The following OPCML variants were observed in gnomAD, a reference collection of about 807,000 sequenced individuals.
The protein encoded by OPCML is opioid-binding protein/cell adhesion molecule.
In OPCML, 13 loss-of-function variants were observed where a neutral mutation model predicts 37.8. The observed-to-expected ratio is 0.34, with a 90% CI of 0.22 to 0.55. The LOEUF (loss-of-function observed/expected upper bound fraction) is 0.55. OPCML is among the 20% of genes least tolerant of loss of function. The pLI is 0.91. For synonymous variants in OPCML, 176 were observed against 168.8 expected (o/e 1.04, Z -0.33); for missense variants, 341 against 435.6 (o/e 0.78, Z 1.93).
Position 133,440,012 on chromosome 11 carries a change from G to C in OPCML, c.61+92252C>G, listed in dbSNP as rs1946329545. On this transcript the variant is annotated intron_variant, in intron 1 of 7. Transcript: ENST00000524381. ...CTTAATAAAAGTTGAAAAGCATTTG[G>C]TAAAATTTAATGACTATTCCTGAGT... 1.3e-5 allele frequency among the ~76,000 whole-genome samples: 2 copies of C among 152,116 alleles called. 1 individual carries two copies. Among genetic ancestry groups the C allele is most frequent in the Non-Finnish European group, 2.9e-5 (2 of 68,026 alleles).
At chr11:133,312,105 T>C (rs1302000362) in intron 1 of OPCML, among the ~76,000 whole-genome samples, 4 of 152,206 alleles carry the variant, frequency 2.6e-5, no homozygotes, top group Non-Finnish European at 4.4e-5. Flanking sequence ...CAAATAGATA[T>C]TAAAGATGAC....
At chr11:132,628,599 C>T (rs1378780580) in intron 3 of OPCML, among the ~76,000 whole-genome samples, 5 of 152,138 alleles carry the variant, frequency 3.3e-5, no homozygotes, top group African/African-American at 1.2e-4. Flanking sequence ...CAGGCTCTCC[C>T]ACTCTGGGCC....
chr11:132,641,319 C>T (rs1325031685), intron 3 of OPCML, among the ~76,000 whole-genome samples: 1 of 152,202 alleles, frequency 6.6e-6, no homozygotes, highest in Non-Finnish European at 1.5e-5. Flanking sequence ...CCCTTCCACG[C>T]ACACCTCCAC....
intron 1 of OPCML, among the ~76,000 whole-genome samples, chr11:133,387,555 T>G (rs1375101900): frequency 6.6e-6 from 1 of 152,234 alleles, no homozygotes; most frequent in African/African-American, 2.4e-5. Flanking sequence ...TCACCGGTTG[T>G]GTAAACTTGA....
rs752245542 is a variant in OPCML at position 133,404,016 on chromosome 11, C to T, written c.61+128248G>A. Among the ~76,000 whole-genome samples, 4 of 152,210 alleles carry T rather than the reference C, an allele frequency of 2.6e-5. No individual in the cohort carries two copies. The East Asian group carries it at 5.8e-4, about 22-fold the overall frequency. ...CTCACAGTTCTGGAGGCTGGAAGTT[C>T]GAAGCCCAGTTGTTTGCAGAGTTGG... On this transcript the variant is annotated intron_variant, in intron 1 of 7. Transcript: ENST00000524381.
At chr11:133,018,755 C>G (rs1352371072) in intron 1 of OPCML, among the ~76,000 whole-genome samples, 1 of 152,242 alleles carries the variant, frequency 6.6e-6, no homozygotes, top group Admixed American at 6.5e-5. Context: ...CCGGGGCACA[C>G]AGCATCACCT....
At chr11:132,530,243 G>A (rs556894144) in intron 3 of OPCML, among the ~76,000 whole-genome samples, 1 of 152,072 alleles carries the variant, frequency 6.6e-6, no homozygotes, top group South Asian at 2.1e-4. Context: ...TGTACCCACA[G>A]CACTACAAAG....
intron 2 of OPCML, among the ~76,000 whole-genome samples, chr11:132,931,394 T>C (rs1945196143): frequency 6.6e-6 from 1 of 152,056 alleles, no homozygotes; most frequent in African/African-American, 2.4e-5. Context: ...ATCCACAGAA[T>C]GGGAGGGAAT....
chr11:133,034,991 A>G (rs759112854), intron 1 of OPCML, among the ~76,000 whole-genome samples: 12 of 152,166 alleles, frequency 7.9e-5, no homozygotes, highest in Non-Finnish European at 1.5e-4. Flanking sequence ...CCTCTTAGGC[A>G]TGGTCCCCTC....
chr11:132,972,920 T>C (rs1318235809), intron 1 of OPCML, among the ~76,000 whole-genome samples: 1 of 152,110 alleles, frequency 6.6e-6, no homozygotes, highest in Non-Finnish European at 1.5e-5. Flanking sequence ...AAGCACCACC[T>C]AGGTCTGTCT....
chr11:133,469,699 G>A (rs961372722), intron 1 of OPCML, among the ~76,000 whole-genome samples: 3 of 152,064 alleles, frequency 2.0e-5, no homozygotes, highest in African/African-American at 7.2e-5. Flanking sequence ...GACCCAATTG[G>A]CTTTCTAAGC....
intron 1 of OPCML, among the ~76,000 whole-genome samples, chr11:133,499,546 T>G (rs901489178): frequency 7.9e-5 from 12 of 151,828 alleles, no homozygotes; most frequent in Non-Finnish European, 1.3e-4. Context: ...GCCCATGCTT[T>G]GAGATTTTGA....
intron 1 of OPCML, among the ~76,000 whole-genome samples, chr11:133,433,737 T>C (rs1476988055): frequency 6.6e-6 from 1 of 152,130 alleles, no homozygotes; most frequent in Non-Finnish European, 1.5e-5. Context: ...ACTCTCTCCT[T>C]CTGCAAGGCA....
chr11:133,032,036 T>G (rs1947684217), intron 1 of OPCML, among the ~76,000 whole-genome samples: 1 of 152,152 alleles, frequency 6.6e-6, no homozygotes, highest in Non-Finnish European at 1.5e-5. Flanking sequence ...CACTCTCTGT[T>G]CAAAATCAGA....
chr11:132,440,397 C>T (rs963188001), intron 4 of OPCML, among the ~76,000 whole-genome samples: 4 of 151,906 alleles, frequency 2.6e-5, no homozygotes, highest in African/African-American at 7.2e-5. Context: ...TGGGATTCCA[C>T]GTTTCTGACA....
chr11:132,555,048 G>A (rs60515735), intron 3 of OPCML, among the ~76,000 whole-genome samples: 2,098 of 151,908 alleles, frequency 0.014, 43 homozygotes, highest in African/African-American at 0.046. Flanking sequence ...GGAAAATGGC[G>A]GGAGCACTGC....
intron 2 of OPCML, among the ~76,000 whole-genome samples, chr11:132,877,616 T>C (rs1023727835): frequency 6.6e-6 from 1 of 152,186 alleles, no homozygotes; most frequent in Non-Finnish European, 1.5e-5. Flanking sequence ...GAGCATCTCC[T>C]AGCTGGAGGT....
intron 1 of OPCML, chr11:133,025,509 A>G: frequency 1.0e-6 from 1 of 982,422 alleles, no homozygotes; most frequent in Non-Finnish European, 1.2e-6. Context: ...TCTCAGGAAC[A>G]CTGGATTCTT....
intron 1 of OPCML, among the ~76,000 whole-genome samples, chr11:133,122,720 G>T (rs547554665): frequency 6.6e-6 from 1 of 152,228 alleles, no homozygotes; most frequent in African/African-American, 2.4e-5. Flanking sequence ...CTAGCCACTT[G>T]TTAATTTCCA....
Sources: allele counts gnomAD v4.1 joint callset (sites outside exome capture counted in the v4.1 genomes callset), GRCh38; gene constraint gnomAD v4.1.1; transcripts MANE v1.5; gene names NCBI Gene and HGNC (gene_info 2026-07-23, HGNC 2026-07-21).